AGBL1: variants seen among roughly 807,000 people sequenced by gnomAD.
AGBL1 encodes cytosolic carboxypeptidase 4.
A neutral mutation model predicts 118.9 loss-of-function variants in AGBL1; 130 were observed. The observed-to-expected ratio is 1.09, with a 90% CI of 0.95 to 1.26. AGBL1 has a LOEUF of 1.26. AGBL1 is among the 50% of genes most tolerant of loss of function. The pLI, the probability that AGBL1 is intolerant of heterozygous loss-of-function variation, is 0.00. For synonymous variants in AGBL1, 555 were observed against 478.9 expected (o/e 1.16, Z -2.08); for missense variants, 1,584 against 1,298.1 (o/e 1.22, Z -3.38).
chr15:86,563,686 T>G (rs1356533520), intron 21 of AGBL1, among the ~76,000 whole-genome samples: 1 of 152,196 alleles, frequency 6.6e-6, no homozygotes, highest in Non-Finnish European at 1.5e-5. Flanking sequence ...TGGATATCCT[T>G]TTTAACTTTC....
chr15:86,598,271 G>C (rs2084440030), intron 21 of AGBL1, among the ~76,000 whole-genome samples: 1 of 152,078 alleles, frequency 6.6e-6, no homozygotes, highest in African/African-American at 2.4e-5. Flanking sequence ...ACTCTGAGTA[G>C]AGTGCAATGG....
chr15:86,532,270 T>C (rs1196024968), intron 19 of AGBL1, among the ~76,000 whole-genome samples: 1 of 151,856 alleles, frequency 6.6e-6, no homozygotes, highest in Non-Finnish European at 1.5e-5. Flanking sequence ...AGTCTCAGGA[T>C]ACAAAATCAA....
intron 22 of AGBL1, among the ~76,000 whole-genome samples, chr15:86,887,813 A>C (rs2079992181): frequency 6.6e-6 from 1 of 152,116 alleles, no homozygotes; most frequent in South Asian, 2.1e-4. Context: ...GAATTAGTAT[A>C]AATAGAGAAA....
intron 17 of AGBL1, among the ~76,000 whole-genome samples, chr15:86,372,209 G>A (rs964233720): frequency 1.3e-5 from 2 of 152,210 alleles, no homozygotes; most frequent in Admixed American, 1.3e-4. Flanking sequence ...TTTGGAATGA[G>A]AATGTCCCAA....
intron 24 of AGBL1, among the ~76,000 whole-genome samples, chr15:87,010,830 C>G (rs2081551970): frequency 6.6e-6 from 1 of 152,206 alleles, no homozygotes; most frequent in Non-Finnish European, 1.5e-5. Flanking sequence ...ATCTATCTGT[C>G]TGCCTACATA....
chr15:86,780,025 C>T (rs2141305541), intron 22 of AGBL1, among the ~76,000 whole-genome samples: 1 of 152,206 alleles, frequency 6.6e-6, no homozygotes, highest in African/African-American at 2.4e-5. Flanking sequence ...AAGGCTAGTT[C>T]TGCTCATATC....
intron 21 of AGBL1, among the ~76,000 whole-genome samples, chr15:86,636,764 TAC>T (rs2085101837): frequency 1.1e-5 from 1 of 90,448 alleles, no homozygotes; most frequent in African/African-American, 3.5e-5. Flanking sequence ...TATATACACA[TAC>T]ATACAGAAAG....
At chr15:86,756,059 A>G (rs990442525) in intron 22 of AGBL1, among the ~76,000 whole-genome samples, 9 of 152,138 alleles carry the variant, frequency 5.9e-5, no homozygotes, top group Admixed American at 5.9e-4. Context: ...GAGGTTAGCA[A>G]ATTCCCCAAG....
chr15:86,876,240 C>T (rs1043627846), intron 22 of AGBL1, among the ~76,000 whole-genome samples: 7 of 152,246 alleles, frequency 4.6e-5, no homozygotes, highest in Admixed American at 4.6e-4. Context: ...GTCTCAAACA[C>T]AAGGGAAGGC....
chr15:86,127,334 A>C (rs984712905), intron 1 of AGBL1, among the ~76,000 whole-genome samples: 5 of 152,242 alleles, frequency 3.3e-5, no homozygotes, highest in Non-Finnish European at 4.4e-5. Flanking sequence ...GGCTCATCCC[A>C]AAAAGTGTAA....
intron 20 of AGBL1, among the ~76,000 whole-genome samples, chr15:86,549,163 A>T (rs1488548177): frequency 2.0e-5 from 3 of 152,110 alleles, no homozygotes; most frequent in African/African-American, 7.2e-5. Flanking sequence ...TTTGGTGGGG[A>T]CATGTATCTA....
intron 6 of AGBL1, among the ~76,000 whole-genome samples, chr15:86,237,305 A>G (rs866396683): frequency 1.6e-4 from 25 of 152,310 alleles, no homozygotes; most frequent in African/African-American, 5.3e-4. Context: ...CTCAGGGCCT[A>G]GAGGCACAAT....
chr15:86,732,388 T>G (rs1480563849), intron 22 of AGBL1, among the ~76,000 whole-genome samples: 2 of 152,222 alleles, frequency 1.3e-5, no homozygotes, highest in African/African-American at 4.8e-5. Flanking sequence ...ATTTTACAAC[T>G]GTTTGTAACT....
chr15:86,554,146 C>T (rs1416638232), intron 20 of AGBL1, among the ~76,000 whole-genome samples: 1 of 152,180 alleles, frequency 6.6e-6, no homozygotes, highest in Admixed American at 6.5e-5. Flanking sequence ...AGGCATGAGC[C>T]ACCGCTCCTG....
rs2080387790 is a variant in AGBL1, at chr15:86,914,095, C to G, written c.*6801C>G. On this transcript the variant is annotated 3_prime_UTR_variant, in exon 23 of 23. Transcript: ENST00000614907. ...GTAGCCCTGGTCTTGAAGGGCAGGGCAAGACATGGCATTGAGTTCAATTGT... is the reference window on the plus strand; with the variant it reads ...GTAGCCCTGGTCTTGAAGGGCAGGGGAAGACATGGCATTGAGTTCAATTGT... 6.6e-6 allele frequency: 1 copy of G among 152,164 alleles called. No homozygotes were observed. Among genetic ancestry groups the G allele is most frequent in the African/African-American group, 2.4e-5 (1 of 41,434 alleles). The allele number at this position is 152,164 out of a possible 1,614,324, so 9.4% of individuals were successfully genotyped here. A position where few individuals can be genotyped will look rare whatever the true frequency, so the allele number is the denominator to read the frequency against.
At chr15:86,934,639 A>G (rs1368627) in intron 23 of AGBL1, among the ~76,000 whole-genome samples, 109,061 of 151,978 alleles carry the variant, frequency 0.72, 40,174 homozygotes, top group South Asian at 0.9. Context: ...TATAAGTTAC[A>G]GGGTCAATAG....
intron 22 of AGBL1, among the ~76,000 whole-genome samples, chr15:86,781,266 C>G (rs545482644): frequency 6.1e-4 from 92 of 151,996 alleles, no homozygotes; most frequent in African/African-American, 2.1e-3. Flanking sequence ...CTATGTTTTG[C>G]CTTTAGTTTT....
intron 21 of AGBL1, among the ~76,000 whole-genome samples, chr15:86,644,159 TTATTA>T (rs1596332458): frequency 1.3e-5 from 2 of 150,162 alleles, no homozygotes; most frequent in African/African-American, 2.4e-5. Context: ...TTTGACTACT[TTATTA>T]TATTGTGAAA....
intron 22 of AGBL1, among the ~76,000 whole-genome samples, chr15:86,793,648 T>C (rs2078528774): frequency 6.6e-6 from 1 of 152,164 alleles, no homozygotes; most frequent in Non-Finnish European, 1.5e-5. Context: ...CTTTTGTTTA[T>C]CAAAGGAAAC....
Sources: gnomAD v4.1 joint callset for allele counts (sites outside exome capture counted in the v4.1 genomes callset) on GRCh38, gnomAD v4.1.1 for gene constraint, MANE v1.5 for transcripts, NCBI Gene and HGNC (gene_info 2026-07-23, HGNC 2026-07-21) for gene names.